The following THSD4 variants were observed in gnomAD, a reference collection of about 807,000 sequenced individuals.
THSD4 encodes the protein thrombospondin type 1 domain containing 4, also known as thrombospondin type-1 domain-containing protein 4.
In THSD4, 69 loss-of-function variants were observed where a neutral mutation model predicts 119.0. The observed-to-expected ratio is 0.58, with a 90% CI of 0.48 to 0.71. THSD4 has a LOEUF of 0.71. Among genes scored for constraint, THSD4 ranks in the 30% least tolerant of loss-of-function variants. The pLI, the probability that THSD4 is intolerant of heterozygous loss-of-function variation, is 0.00. For synonymous variants in THSD4, 524 were observed against 540.4 expected, an observed-to-expected ratio of 0.97 and a Z score of 0.42; for missense variants, 1,393 against 1,391.1, an observed-to-expected ratio of 1.00 and a Z score of -0.02.
At chr15:71,452,875 A>G (rs1019283983) in intron 7 of THSD4, among the ~76,000 whole-genome samples, 3 of 152,172 alleles carry the variant, frequency 2.0e-5, no homozygotes, top group Non-Finnish European at 2.9e-5. Flanking sequence ...TTGGCCTCCC[A>G]AAGTCCTGGG....
At chr15:71,678,102 T>G (rs775815866) in intron 8 of THSD4, among the ~76,000 whole-genome samples, 1 of 152,202 alleles carries the variant, frequency 6.6e-6, no homozygotes, top group Non-Finnish European at 1.5e-5. Flanking sequence ...AAGTCCAATG[T>G]GGTTAACACT....
chr15:71,575,733 A>G (rs551088061), intron 7 of THSD4, among the ~76,000 whole-genome samples: 41 of 152,336 alleles, frequency 2.7e-4, no homozygotes, highest in Admixed American at 5.9e-4. Context: ...AGAGGACTGT[A>G]GGAAATTTAT....
chr15:71,299,521 A>G (rs1026700023), intron 6 of THSD4, among the ~76,000 whole-genome samples: 2 of 152,238 alleles, frequency 1.3e-5, no homozygotes, highest in African/African-American at 4.8e-5. Flanking sequence ...TAAAGAGTTC[A>G]GTTCATAGAA....
intron 7 of THSD4, chr15:71,547,528 A>G (rs1484589686): frequency 1.3e-6 from 2 of 1,545,874 alleles, no homozygotes; most frequent in Non-Finnish European, 1.7e-6. Context: ...TTTTTTCAGC[A>G]TTATATTTCC....
At chr15:71,244,117 C>A (rs550695986) in intron 5 of THSD4, among the ~76,000 whole-genome samples, 2 of 152,266 alleles carry the variant, frequency 1.3e-5, no homozygotes, top group East Asian at 3.9e-4. Context: ...AACTCCATTT[C>A]ATCTCCTTAA....
chr15:71,460,944 C>G (rs1191063094), intron 7 of THSD4, among the ~76,000 whole-genome samples: 1 of 152,092 alleles, frequency 6.6e-6, no homozygotes, highest in Non-Finnish European at 1.5e-5. Context: ...TCTATGTTAA[C>G]CCCCCCATAT....
intron 4 of THSD4, among the ~76,000 whole-genome samples, chr15:71,235,522 TTA>T (rs2044096186): frequency 6.6e-6 from 1 of 152,116 alleles, no homozygotes; most frequent in African/African-American, 2.4e-5. Context: ...ATGGAAGAAT[TTA>T]TTTCTGTTTC....
chr15:71,485,670 G>A lies in THSD4; in HGVS notation c.1152+73847G>A, dbSNP rs117344755. Among the ~76,000 whole-genome samples the A allele has an allele frequency of 5.2e-4, 79 of 151,348 alleles. 2 individuals are homozygous for A. The East Asian group carries it at 0.013, about 25-fold the overall frequency. ...GCCCTCTACAGACCACTTGTCCAGG[G>A]CCCACAGCTCTTAAGAAAAAAAAAA... is the stretch of plus-strand genomic sequence containing the variant. On this transcript the variant is annotated intron_variant, in intron 7 of 17. Transcript: ENST00000261862.
chr15:71,709,531 A>G (rs75811679), intron 8 of THSD4, among the ~76,000 whole-genome samples: 2,964 of 152,232 alleles, frequency 0.019, 116 homozygotes, highest in African/African-American at 0.066. Context: ...TCTATAGATG[A>G]CGTAGATCAG....
chr15:71,565,296 T>G (rs893980923), intron 7 of THSD4, among the ~76,000 whole-genome samples: 1 of 152,104 alleles, frequency 6.6e-6, no homozygotes, highest in African/African-American at 2.4e-5. Flanking sequence ...TGCAGGAAAA[T>G]GGACACTTAG....
intron 6 of THSD4, among the ~76,000 whole-genome samples, chr15:71,367,715 G>C (rs1392738942): frequency 1.3e-5 from 2 of 152,168 alleles, no homozygotes; most frequent in Non-Finnish European, 2.9e-5. Flanking sequence ...CCAAGTCTTT[G>C]CTATTGTGAA....
chr15:71,681,573 G>T (rs949627539), intron 8 of THSD4, among the ~76,000 whole-genome samples: 1 of 151,688 alleles, frequency 6.6e-6, no homozygotes, highest in Non-Finnish European at 1.5e-5. Flanking sequence ...TACTCGGGAG[G>T]CTGGGGCGGC....
At position 71,689,118 on chromosome 15, in the gene THSD4, A is replaced by T. The variant is rs568718773; in HGVS notation, c.1357+28384A>T. Among the ~76,000 whole-genome samples the T allele has an allele frequency of 7.9e-5, 12 of 152,344 alleles. No individual in the cohort carries two copies. The East Asian group carries it at 1.5e-3, about 20-fold the overall frequency. On this transcript the variant is annotated intron_variant, in intron 8 of 17. Transcript: ENST00000261862. ...TTCCTCCTCAATGAGATTCTGAAAG[A>T]TGGTTTATCTAAAATGTGACCAAGA... is the stretch of plus-strand genomic sequence containing the variant.
chr15:71,610,861 G>A (rs906614743), intron 7 of THSD4, among the ~76,000 whole-genome samples: 12 of 152,140 alleles, frequency 7.9e-5, no homozygotes, highest in African/African-American at 2.9e-4. Flanking sequence ...GGGATGGGGA[G>A]TCTAGAGAGG....
chr15:71,462,378 A>G (rs1725070084), intron 7 of THSD4, among the ~76,000 whole-genome samples: 1 of 152,144 alleles, frequency 6.6e-6, no homozygotes. Context: ...GCTGGTCTCA[A>G]ACTCCTGGGC....
intron 16 of THSD4, 74 bp from the exon 17 acceptor site, chr15:71,770,990 G>A (rs1006636235): frequency 7.7e-6 from 12 of 1,550,660 alleles, no homozygotes; most frequent in South Asian, 2.5e-5. Flanking sequence ...AGATTTTCCA[G>A]TGTCTTCTTT....
At chr15:71,577,234 T>C (rs2049466385) in intron 7 of THSD4, among the ~76,000 whole-genome samples, 1 of 152,236 alleles carries the variant, frequency 6.6e-6, no homozygotes, top group Non-Finnish European at 1.5e-5. Context: ...GCAGTTTCTC[T>C]CGATCAGTGC....
At chr15:71,098,637 T>C (rs2141337724) in intron 1 of THSD4, among the ~76,000 whole-genome samples, 1 of 152,220 alleles carries the variant, frequency 6.6e-6, no homozygotes, top group South Asian at 2.1e-4. Flanking sequence ...TTTTACTTAG[T>C]TGCAACTTCC....
intron 6 of THSD4, among the ~76,000 whole-genome samples, chr15:71,362,762 C>G (rs558566817): frequency 4.9e-4 from 74 of 151,792 alleles, no homozygotes; most frequent in Admixed American, 1.4e-3. Flanking sequence ...GCACTCCCAC[C>G]CTAATTTCAT....
Sources: allele counts gnomAD v4.1 joint callset (sites outside exome capture counted in the v4.1 genomes callset), GRCh38; gene constraint gnomAD v4.1.1; transcripts MANE v1.5; gene names NCBI Gene and HGNC (gene_info 2026-07-23, HGNC 2026-07-21).